Variants in USH2A observed in about 807,000 individuals in gnomAD.
USH2A encodes Usher syndrome 2A (autosomal recessive, mild).
Under a neutral mutation model 538.9 loss-of-function variants are expected in USH2A, and 443 were observed. The ratio of observed to expected loss-of-function variants is 0.82; its 90% confidence interval spans 0.76 to 0.89. The LOEUF (loss-of-function observed/expected upper bound fraction) is 0.89, where lower values mean the gene tolerates loss of function less well. Among genes scored for constraint, USH2A ranks in the 40% least tolerant of loss-of-function variants. The pLI is 0.00. For synonymous variants in USH2A, 2,413 were observed against 2,273.5 expected, an observed-to-expected ratio of 1.06 and a Z score of -1.75; for missense variants, 6,633 against 6,324.8, an observed-to-expected ratio of 1.05 and a Z score of -1.65.
chr1:216,107,858 A>G (rs2032776275), intron 21 of USH2A, among the ~76,000 whole-genome samples: 1 of 151,770 alleles, frequency 6.6e-6, no homozygotes, highest in South Asian at 2.1e-4. Flanking sequence ...CTTAACACAC[A>G]TACTATCACA....
At chr1:215,692,626 T>C (rs1211716736) in intron 61 of USH2A, among the ~76,000 whole-genome samples, 3 of 152,136 alleles carry the variant, frequency 2.0e-5, no homozygotes, top group Non-Finnish European at 4.4e-5. Context: ...GCAACAATCA[T>C]TGCATGCTTA....
At chr1:216,021,635 T>C (rs1458533941) in intron 32 of USH2A, among the ~76,000 whole-genome samples, 2 of 152,152 alleles carry the variant, frequency 1.3e-5, no homozygotes, top group Non-Finnish European at 2.9e-5. Flanking sequence ...CCTGCAGACT[T>C]CAGATTTTAG....
intron 3 of USH2A, among the ~76,000 whole-genome samples, chr1:216,389,821 T>C (rs1016847069): frequency 1.3e-5 from 2 of 152,192 alleles, no homozygotes; most frequent in Non-Finnish European, 2.9e-5. Flanking sequence ...AGTTTTTCTA[T>C]ACATCTTCCC....
At chr1:215,818,265 T>G (rs1662915335) in intron 47 of USH2A, among the ~76,000 whole-genome samples, 1 of 151,830 alleles carries the variant, frequency 6.6e-6, no homozygotes, top group Admixed American at 6.6e-5. Flanking sequence ...ACTATATATC[T>G]AGAGCTATTT....
chr1:215,989,007 G>C (rs1180135122), intron 35 of USH2A, among the ~76,000 whole-genome samples: 1 of 152,198 alleles, frequency 6.6e-6, no homozygotes, highest in Non-Finnish European at 1.5e-5. Context: ...AGGACAGAAT[G>C]TTTCCTAAGC....
intron 11 of USH2A, among the ~76,000 whole-genome samples, chr1:216,258,434 C>T (rs1165540492): frequency 2.6e-5 from 4 of 152,068 alleles, no homozygotes; most frequent in African/African-American, 9.7e-5. Context: ...TCTGCAGCCT[C>T]ATACATGCAG....
chr1:216,358,004 C>T (rs1003628178), intron 4 of USH2A, among the ~76,000 whole-genome samples: 1 of 152,098 alleles, frequency 6.6e-6, no homozygotes, highest in African/African-American at 2.4e-5. Context: ...AAAATTCAGC[C>T]TGATCAAATC....
At chr1:216,359,151 T>C (rs943144029) in intron 4 of USH2A, among the ~76,000 whole-genome samples, 3 of 152,116 alleles carry the variant, frequency 2.0e-5, no homozygotes, top group Admixed American at 2.0e-4. Flanking sequence ...AAAATATTGC[T>C]TCTTCACATG....
In USH2A at chr1:215,634,616, A is replaced by G; in HGVS notation, c.15140T>C (p.Met5047Thr). The change falls in exon 70 of 72, where the codon ATG becomes ACG. Residue 5047 changes from methionine to threonine, a missense_variant. By Grantham distance (81) the Met-to-Thr change is moderately conservative. Coordinates refer to ENST00000307340, the MANE Select transcript of USH2A (RefSeq NM_206933.4). ...CAACAAGATCAAGCCCAGCATCGCC[A>G]TTAACACTATGAACCACAGCTCGCT... ...FYSELWFIVL[M>T]AMLGLILLAI... The G allele has an allele frequency of 6.2e-7, 1 of 1,614,236 alleles. No individual in the cohort carries two copies.
In USH2A at chr1:215,625,646, CAG is replaced by C; in HGVS notation, c.*133_*134del. The stretch of plus-strand genomic sequence containing the variant: ...TATTAGGAAGGAACACTTTCAAAAA[CAG>C]TCATCATTTCTTTAAAGAATTATAG... On this transcript the variant is annotated 3_prime_UTR_variant, in exon 72 of 72. Coordinates refer to ENST00000307340, the MANE Select transcript of USH2A (RefSeq NM_206933.4). The C allele has an allele frequency of 1.2e-6, 1 of 819,644 alleles. No homozygotes were observed. 50.8% of individuals were successfully genotyped at this position (819,644 alleles called of 1,614,324 possible).
At chr1:215,776,053 C>T (rs1017455733) in intron 55 of USH2A, among the ~76,000 whole-genome samples, 11 of 152,108 alleles carry the variant, frequency 7.2e-5, no homozygotes, top group African/African-American at 2.4e-4. Context: ...TTTAGTTAAT[C>T]CTTTCTTCTA....
chr1:215,967,906 C>T (rs1166175463), intron 36 of USH2A, among the ~76,000 whole-genome samples: 1 of 152,014 alleles, frequency 6.6e-6, no homozygotes, highest in Non-Finnish European at 1.5e-5. Flanking sequence ...CTTAAGAGTC[C>T]CTGGAGAATC....
chr1:215,630,712 G>C (rs931223946), intron 70 of USH2A, among the ~76,000 whole-genome samples: 3 of 151,366 alleles, frequency 2.0e-5, no homozygotes, highest in Non-Finnish European at 2.9e-5. Context: ...AATTAGCCAG[G>C]CATGGTGGCG....
At chr1:215,887,441 C>G (rs4434819) in intron 41 of USH2A, among the ~76,000 whole-genome samples, 6,165 of 152,182 alleles carry the variant, frequency 0.041, 134 homozygotes, top group Middle Eastern at 0.071. Flanking sequence ...TTACATTGCT[C>G]AGTTCATACA....
intron 21 of USH2A, among the ~76,000 whole-genome samples, chr1:216,122,137 T>C (rs751810167): frequency 2.6e-5 from 4 of 152,182 alleles, no homozygotes; most frequent in Non-Finnish European, 5.9e-5. Flanking sequence ...GGAGTAAAGC[T>C]GTCTAGAATA....
At chr1:216,201,950 C>G (rs2102471886) in intron 16 of USH2A, 1 of 152,726 alleles carries the variant, frequency 6.5e-6, no homozygotes, top group Middle Eastern at 3.4e-3. Flanking sequence ...GAAAAGTCCC[C>G]TAGGGCTGAG....
chr1:215,877,957 G>A, intron 42 of USH2A, 77 bp from the exon 43 acceptor site: 2 of 1,594,140 alleles, frequency 1.3e-6, no homozygotes, highest in South Asian at 1.1e-5. Context: ...GCTGTTCTGT[G>A]GCATGTGCGT....
intron 9 of USH2A, among the ~76,000 whole-genome samples, chr1:216,300,741 G>GTTTTTTT (rs531354825): frequency 8.6e-6 from 1 of 116,576 alleles, no homozygotes; most frequent in African/African-American, 3.2e-5. Flanking sequence ...TAGACTCAAT[G>GTTTTTTT]TTTTTTTTTT....
intron 21 of USH2A, among the ~76,000 whole-genome samples, chr1:216,153,335 G>C (rs1329512105): frequency 6.6e-6 from 1 of 152,134 alleles, no homozygotes; most frequent in Non-Finnish European, 1.5e-5. Flanking sequence ...CATGGGACTG[G>C]AGCCCAAAAG....
Sources: gnomAD v4.1 joint callset for allele counts (sites outside exome capture counted in the v4.1 genomes callset) on GRCh38, gnomAD v4.1.1 for gene constraint, MANE v1.5 for transcripts, NCBI Gene and HGNC (gene_info 2026-07-23, HGNC 2026-07-21) for gene names.